The following GPRC5A variants were observed in gnomAD, a reference collection of about 807,000 sequenced individuals.
The protein encoded by GPRC5A is G protein-coupled receptor class C group 5 member A.
In GPRC5A, 19 loss-of-function variants were observed where a neutral mutation model predicts 22.5. That is an observed-to-expected ratio of 0.85 (90% CI 0.59 to 1.24). The LOEUF (loss-of-function observed/expected upper bound fraction) is 1.24. GPRC5A is among the 50% of genes most tolerant of loss of function. GPRC5A has a pLI of 0.00. For synonymous variants in GPRC5A, 192 were observed against 184.5 expected (o/e 1.04, Z -0.33); for missense variants, 471 against 451.1 (o/e 1.04, Z -0.40).
At chr12:12,912,263 G>A (rs1592352879) in intron 3 of GPRC5A, 121 bp downstream of exon 3, 2 of 893,404 alleles carry the variant, frequency 2.2e-6, no homozygotes, top group East Asian at 4.8e-5. Flanking sequence ...AGGAATGATG[G>A]GTCTTCTTTC....
Position 12,912,483 on chromosome 12 carries a change from G to A in GPRC5A, c.1018G>A (p.Ala340Thr), listed in dbSNP as rs557681460. Residue 340 changes from alanine (A) to threonine (T), a missense_variant, in exon 4 of 4, where the codon GCC becomes ACC. By Grantham distance (58) the Ala-to-Thr change is moderately conservative. Transcript: ENST00000014914. ...PPQKEFSIPR[A>T]HAWPSPYKDY... ...CCAAAAGGAATTCTCCATCCCACGG[G>A]CCCACGCTTGGCCGAGCCCTTACAA... 5 of 1,612,990 alleles carry A rather than the reference G, an allele frequency of 3.1e-6. No homozygotes were observed. Among genetic ancestry groups the A allele is most frequent in the Non-Finnish European group, 3.4e-6 (4 of 1,178,950 alleles).
At chr12:12,911,159 C>G (rs566541357) in intron 2 of GPRC5A, among the ~76,000 whole-genome samples, 1 of 152,250 alleles carries the variant, frequency 6.6e-6, no homozygotes, top group Admixed American at 6.5e-5. Flanking sequence ...GCATGAGCCA[C>G]CGTGCCCAGC....
At chr12:12,896,965 G>C (rs1050120778) in intron 1 of GPRC5A, among the ~76,000 whole-genome samples, 1 of 152,148 alleles carries the variant, frequency 6.6e-6, no homozygotes, top group Non-Finnish European at 1.5e-5. Flanking sequence ...GATGGCTTAC[G>C]CCTGTAATCC....
intron 1 of GPRC5A, 179 bp downstream of exon 1, chr12:12,891,843 T>A (rs972172619): frequency 7.4e-5 from 10 of 134,610 alleles, no homozygotes; most frequent in Middle Eastern, 3.6e-3. Flanking sequence ...ACTCAGATTT[T>A]TTTTTTTTTT....
intron 1 of GPRC5A, 175 bp downstream of exon 1, chr12:12,891,839 AT>A (rs11290504): frequency 0.47 from 68,188 of 145,162 alleles, 17,050 homozygotes; most frequent in Non-Finnish European, 0.57. Flanking sequence ...AACAACTCAG[AT>A]TTTTTTTTTT....
Position 12,898,093 on chromosome 12 carries a change from C to T in GPRC5A, c.-8+6429C>T, listed in dbSNP as rs1237990809. On this transcript the variant is annotated intron_variant, in intron 1 of 3. Transcript: ENST00000014914. ...TCCTGAGCACCAACCCATATGCCCACGGTGCAGAGACAGCACAACCCAGTG... is the reference window on the plus strand; with the variant it reads ...TCCTGAGCACCAACCCATATGCCCATGGTGCAGAGACAGCACAACCCAGTG... Among the ~76,000 whole-genome samples the T allele has an allele frequency of 2.6e-5, 4 of 152,170 alleles. 1 individual carries two copies. The highest frequency in any genetic ancestry group is 4.1e-4 in the South Asian group (2 of 4,830).
At position 12,914,937 on chromosome 12, in the gene GPRC5A, T is replaced by G. The variant is rs1864048554; in HGVS notation, c.*2398T>G. The G allele has an allele frequency of 6.6e-6, 1 of 151,916 alleles. No homozygotes were observed. Among genetic ancestry groups the G allele is most frequent in the Non-Finnish European group, 1.5e-5 (1 of 68,050 alleles). 9.4% of individuals were successfully genotyped at this position (151,916 alleles called of 1,614,324 possible). The stretch of plus-strand genomic sequence containing the variant: ...GCCCAGCCTCCTTTCCATCTTTTCT[T>G]TCCTTCTCTGGTCTTCATACTACCA... On this transcript the variant is annotated 3_prime_UTR_variant, in exon 4 of 4. Transcript: ENST00000014914.
At chr12:12,909,447 C>T (rs1230619594) in intron 2 of GPRC5A, 1 of 358,216 alleles carries the variant, frequency 2.8e-6, no homozygotes, top group Non-Finnish European at 5.0e-6. Flanking sequence ...GCTGTAATTT[C>T]CTGTGGGGCA....
At chr12:12,912,388 G>A (rs1218150663) in intron 3 of GPRC5A, 59 bp from the exon 4 acceptor site, 8 of 1,107,164 alleles carry the variant, frequency 7.2e-6, no homozygotes, top group Middle Eastern at 2.0e-4. Flanking sequence ...CCAGACTGGA[G>A]ACCTGTTGAA....
intron 2 of GPRC5A, chr12:12,909,583 C>G (rs1863982235): frequency 6.1e-6 from 1 of 162,642 alleles, no homozygotes; most frequent in Admixed American, 5.7e-5. Context: ...ACGAGGCATT[C>G]CTTCCAGAAA....
chr12:12,908,288 G>T lies in GPRC5A; in HGVS notation c.39G>T (p.Leu13=). 6.2e-7 allele frequency: 1 copy of T among 1,606,310 alleles called. No individual in the cohort carries two copies. Among genetic ancestry groups the T allele is most frequent in the South Asian group, 1.1e-5 (1 of 89,458 alleles). ...TCCCTGATGGTTGCCGCAATGGCCT[G>T]AAATCCAAGTACTACAGACTTTGTG... The part of the protein sequence containing the change: ...TTVPDGCRNG[L]KSKYYRLCDK... The change falls in exon 2 of 4, where the codon CTG becomes CTT. Residue 13 remains leucine, a synonymous_variant. Transcript: ENST00000014914.
At chr12:12,911,716 C>A (rs1864006991) in intron 2 of GPRC5A, among the ~76,000 whole-genome samples, 1 of 152,102 alleles carries the variant, frequency 6.6e-6, no homozygotes, top group Non-Finnish European at 1.5e-5. Flanking sequence ...TCTCGATCTC[C>A]TGACCTTGTG....
At chr12:12,907,698 C>T (rs1863957176) in intron 1 of GPRC5A, among the ~76,000 whole-genome samples, 1 of 152,166 alleles carries the variant, frequency 6.6e-6, no homozygotes, top group South Asian at 2.1e-4. Flanking sequence ...GTGACGTGAT[C>T]ATAGCTCACT....
At chr12:12,906,701 G>T (rs1863945112) in intron 1 of GPRC5A, among the ~76,000 whole-genome samples, 1 of 152,162 alleles carries the variant, frequency 6.6e-6, no homozygotes, top group Admixed American at 6.5e-5. Context: ...TTTAGAGCTG[G>T]TTATGACAGA....
intron 1 of GPRC5A, among the ~76,000 whole-genome samples, chr12:12,899,839 T>C (rs1335964546): frequency 6.6e-6 from 1 of 152,210 alleles, no homozygotes; most frequent in Non-Finnish European, 1.5e-5. Context: ...TTTGACAGAA[T>C]GAGAGAAATC....
chr12:12,907,821 C>T (rs928893310), intron 1 of GPRC5A, among the ~76,000 whole-genome samples: 2 of 152,094 alleles, frequency 1.3e-5, no homozygotes, highest in Non-Finnish European at 2.9e-5. Context: ...AAGATGGAGT[C>T]TTGCTATGTT....
intron 1 of GPRC5A, among the ~76,000 whole-genome samples, chr12:12,905,534 A>G (rs1452694908): frequency 5.3e-5 from 8 of 152,242 alleles, no homozygotes; most frequent in Non-Finnish European, 1.2e-4. Context: ...TAAATAAGCA[A>G]TAAAATAATT....
intron 1 of GPRC5A, among the ~76,000 whole-genome samples, chr12:12,906,622 A>T (rs1336389939): frequency 6.6e-6 from 1 of 152,200 alleles, no homozygotes; most frequent in Non-Finnish European, 1.5e-5. Context: ...TTAGCTATGA[A>T]GATTATTTTT....
chr12:12,902,180 G>A (rs1257351594), intron 1 of GPRC5A, among the ~76,000 whole-genome samples: 1 of 152,132 alleles, frequency 6.6e-6, no homozygotes, highest in Non-Finnish European at 1.5e-5. Flanking sequence ...TAACTCCAGT[G>A]AGTTTTATTT....
Sources: allele counts gnomAD v4.1 joint callset (sites outside exome capture counted in the v4.1 genomes callset), GRCh38; gene constraint gnomAD v4.1.1; transcripts MANE v1.5; gene names NCBI Gene and HGNC (gene_info 2026-07-23, HGNC 2026-07-21).